Variants in SLC35F4 observed in about 807,000 individuals in gnomAD.
SLC35F4 encodes chromosome 14 open reading frame 36.
A neutral mutation model predicts 44.2 loss-of-function variants in SLC35F4; 24 were observed. That is an observed-to-expected ratio of 0.54 (90% CI 0.39 to 0.76). SLC35F4 has a LOEUF of 0.76. Ranked by LOEUF, SLC35F4 falls within the 30% of genes least tolerant of loss-of-function variation. SLC35F4 has a pLI of 0.00. For missense variants in SLC35F4, 562 were observed against 586.1 expected, an observed-to-expected ratio of 0.96 and a Z score of 0.42; for synonymous variants, 238 against 223.6, an observed-to-expected ratio of 1.06 and a Z score of -0.57.
chr14:57,895,715 T>A (rs540605403), intron 1 of SLC35F4, among the ~76,000 whole-genome samples: 1 of 152,202 alleles, frequency 6.6e-6, no homozygotes, highest in East Asian at 1.9e-4. Flanking sequence ...ATGCTTTCTG[T>A]TAAGCCTGTG....
chr14:57,781,824 T>C (rs1261541087), intron 1 of SLC35F4, among the ~76,000 whole-genome samples: 1 of 151,964 alleles, frequency 6.6e-6, no homozygotes, highest in Admixed American at 6.6e-5. Context: ...GAAAACCAAA[T>C]AGCTCATATT....
At chr14:57,734,413 G>A (rs962744687) in intron 1 of SLC35F4, among the ~76,000 whole-genome samples, 2 of 152,094 alleles carry the variant, frequency 1.3e-5, no homozygotes, top group Admixed American at 6.6e-5. Flanking sequence ...GAGAAAGCAC[G>A]CACAGAAAGA....
At chr14:57,969,521 C>A (rs1359043330) in intron 1 of SLC35F4, among the ~76,000 whole-genome samples, 1 of 152,144 alleles carries the variant, frequency 6.6e-6, no homozygotes, top group African/African-American at 2.4e-5. Context: ...CTTTACATTT[C>A]TGTGTAATCT....
rs146337173 is a variant in SLC35F4 at position 57,818,920 on chromosome 14, G to T, written c.103+46803C>A. Among the ~76,000 whole-genome samples the T allele has an allele frequency of 1.9e-3, 291 of 152,208 alleles. 2 individuals are homozygous for T. The highest frequency in any genetic ancestry group is 3.0e-3 in the Non-Finnish European group (201 of 68,022). ...AAGAGACTTTACCAAAAACTTAATG[G>T]CAAGCATCACATTGAATGATACAGC... On this transcript the variant is annotated intron_variant, in intron 1 of 7. Coordinates refer to ENST00000556826, the MANE Select transcript of SLC35F4 (RefSeq NM_001306087.2).
At chr14:57,944,699 G>GAAAGAAAGAAAGAAAGAA (rs1889981701) in intron 1 of SLC35F4, among the ~76,000 whole-genome samples, 2 of 37,040 alleles carry the variant, frequency 5.4e-5, no homozygotes, top group African/African-American at 1.6e-4. Context: ...AGAAAGAAAA[G>GAAAGAAAGAAAGAAAGAA]AAAGAAAGAA....
At chr14:57,655,131 C>G (rs2073921498) in intron 1 of SLC35F4, among the ~76,000 whole-genome samples, 1 of 152,074 alleles carries the variant, frequency 6.6e-6, no homozygotes, top group Admixed American at 6.6e-5. Context: ...AACCACCACT[C>G]TACTTAGAAC....
chr14:57,804,595 C>T (rs914408392), intron 1 of SLC35F4, among the ~76,000 whole-genome samples: 1 of 152,170 alleles, frequency 6.6e-6, no homozygotes, highest in Non-Finnish European at 1.5e-5. Flanking sequence ...GGACCCTTTC[C>T]TTACACCTTA....
At chr14:57,900,863 C>T (rs149979054) in intron 1 of SLC35F4, among the ~76,000 whole-genome samples, 95 of 152,158 alleles carry the variant, frequency 6.2e-4, no homozygotes, top group Non-Finnish European at 1.1e-3. Context: ...ACAAAGGACA[C>T]GAACAGACAC....
intron 1 of SLC35F4, among the ~76,000 whole-genome samples, chr14:57,759,315 C>T (rs537546937): frequency 9.9e-5 from 15 of 152,202 alleles, no homozygotes; most frequent in Non-Finnish European, 1.9e-4. Context: ...CATGGTGGCT[C>T]ACATCTGTAA....
At chr14:57,895,591 T>G (rs1311271444) in intron 1 of SLC35F4, among the ~76,000 whole-genome samples, 1 of 151,842 alleles carries the variant, frequency 6.6e-6, no homozygotes, top group Middle Eastern at 3.2e-3. Context: ...ACTCTCTCTC[T>G]CTCTCTCTCT....
chr14:57,648,308 T>G (rs1208886820), intron 1 of SLC35F4, among the ~76,000 whole-genome samples: 1 of 152,154 alleles, frequency 6.6e-6, no homozygotes, highest in African/African-American at 2.4e-5. Context: ...CATTTAACTG[T>G]TCATGTATTA....
At position 57,921,763 on chromosome 14, in the gene SLC35F4, C is replaced by G. The variant is rs533451281; in HGVS notation, n.282+60150G>C. On this transcript the variant is annotated intron_variant and non_coding_transcript_variant, in intron 1 of 1. Transcript: ENST00000556568. ...TAAAAATTCCAGTCACACTGGATTA[C>G]GGGCCCACTACTATTTTAGTATGAC... 3.2e-4 allele frequency among the ~76,000 whole-genome samples: 49 copies of G among 152,274 alleles called. No homozygotes were observed. In the East Asian group the frequency reaches 8.1e-3, roughly 25 times the overall value.
intron 1 of SLC35F4, among the ~76,000 whole-genome samples, chr14:57,643,820 A>G (rs997892281): frequency 6.7e-6 from 1 of 149,846 alleles, no homozygotes; most frequent in African/African-American, 2.5e-5. Context: ...TCCTGTGTCC[A>G]TGTGTTCTCA....
chr14:57,883,202 G>A (rs1227749087), intron 1 of SLC35F4, among the ~76,000 whole-genome samples: 1 of 152,198 alleles, frequency 6.6e-6, no homozygotes, highest in African/African-American at 2.4e-5. Context: ...CTACAGATGT[G>A]TGAGAAATAA....
At chr14:57,567,411 T>C (rs558755049) in intron 6 of SLC35F4, among the ~76,000 whole-genome samples, 2 of 152,320 alleles carry the variant, frequency 1.3e-5, no homozygotes, top group East Asian at 3.9e-4. Context: ...GGCAAGCATG[T>C]TGTGTATATC....
At chr14:57,925,410 G>A (rs1211382842) in intron 1 of SLC35F4, among the ~76,000 whole-genome samples, 2 of 151,264 alleles carry the variant, frequency 1.3e-5, no homozygotes, top group African/African-American at 4.9e-5. Context: ...TCTACATTTT[G>A]GGAGACTGGT....
At chr14:57,599,735 G>C (rs748077415) in intron 1 of SLC35F4, among the ~76,000 whole-genome samples, 10 of 150,448 alleles carry the variant, frequency 6.6e-5, no homozygotes, top group Admixed American at 1.3e-4. Flanking sequence ...CCCGGAGGTG[G>C]AGGTTGCAGT....
intron 1 of SLC35F4, among the ~76,000 whole-genome samples, chr14:57,641,245 G>C (rs1031142304): frequency 1.3e-5 from 2 of 151,928 alleles, no homozygotes; most frequent in African/African-American, 2.4e-5. Context: ...CTTTAAAATA[G>C]TGTATTTTTT....
chr14:57,666,600 G>A (rs902192873), intron 1 of SLC35F4, among the ~76,000 whole-genome samples: 2 of 151,964 alleles, frequency 1.3e-5, no homozygotes, highest in Non-Finnish European at 2.9e-5. Flanking sequence ...GAAACAGTGA[G>A]ATAATAAATG....
Sources: gnomAD v4.1 joint callset for allele counts (sites outside exome capture counted in the v4.1 genomes callset) on GRCh38, gnomAD v4.1.1 for gene constraint, MANE v1.5 for transcripts, NCBI Gene and HGNC (gene_info 2026-07-23, HGNC 2026-07-21) for gene names.